Variants in BORCS5 observed in about 807,000 individuals in gnomAD.
The protein encoded by BORCS5 is BLOC-1 related complex subunit 5.
A neutral mutation model predicts 22.1 loss-of-function variants in BORCS5; 17 were observed. That is an observed-to-expected ratio of 0.77 (90% CI 0.53 to 1.15). BORCS5 has a LOEUF of 1.15. BORCS5 is among the 50% of genes most tolerant of loss of function. The probability of loss-of-function intolerance (pLI) is 0.00; values close to 1 mark genes in which losing one functional copy is unlikely to be tolerated. For synonymous variants in BORCS5, 117 were observed against 99.8 expected (o/e 1.17, Z -1.03); for missense variants, 247 against 253.2 (o/e 0.98, Z 0.17).
chr12:12,424,675 C>G (rs190051063), intron 2 of BORCS5, among the ~76,000 whole-genome samples: 8 of 152,088 alleles, frequency 5.3e-5, no homozygotes, highest in African/African-American at 1.9e-4. Flanking sequence ...GATTCTCCCC[C>G]TTCTCTGGGT....
chr12:12,423,760 C>T (rs1437814081), intron 2 of BORCS5, among the ~76,000 whole-genome samples: 3 of 152,150 alleles, frequency 2.0e-5, no homozygotes, highest in Admixed American at 2.0e-4. Flanking sequence ...GCAATCTCAG[C>T]TCACTGCAAC....
chr12:12,444,714 T>G (rs1327715898), intron 3 of BORCS5, among the ~76,000 whole-genome samples: 1 of 152,122 alleles, frequency 6.6e-6, no homozygotes, highest in African/African-American at 2.4e-5. Context: ...TAAGTCCTCC[T>G]GCCAATGAAA....
intron 3 of BORCS5, among the ~76,000 whole-genome samples, chr12:12,456,188 C>T (rs1412355677): frequency 2.0e-5 from 3 of 152,190 alleles, no homozygotes; most frequent in Non-Finnish European, 4.4e-5. Context: ...AATCCCAACA[C>T]TTTGGGAGGC....
chr12:12,400,107 G>T (rs1249527308), intron 2 of BORCS5, among the ~76,000 whole-genome samples: 2 of 152,228 alleles, frequency 1.3e-5, no homozygotes, highest in African/African-American at 2.4e-5. Context: ...GCTGAATTAA[G>T]TTGAAGAATG....
intron 2 of BORCS5, among the ~76,000 whole-genome samples, chr12:12,408,631 C>G (rs769791559): frequency 3.0e-4 from 45 of 152,182 alleles, no homozygotes; most frequent in Non-Finnish European, 6.0e-4. Context: ...CTGTGTACTT[C>G]ATATAAATGG....
At chr12:12,389,296 C>T (rs1863950721) in intron 2 of BORCS5, among the ~76,000 whole-genome samples, 1 of 150,430 alleles carries the variant, frequency 6.6e-6, no homozygotes, top group South Asian at 2.1e-4. Context: ...CACCACCACG[C>T]CTGGCTAATT....
rs149219717 is a variant in BORCS5 at position 12,469,456 on chromosome 12, T to C, written c.*3680T>C. On this transcript the variant is annotated 3_prime_UTR_variant, in exon 4 of 4. Transcript: ENST00000314565. ...TATGTTTCTGTATCCTGAGTATTTCTTTGCGGCTTCTTCAGTTATGAAAGA... is the reference window on the plus strand; with the variant it reads ...TATGTTTCTGTATCCTGAGTATTTCCTTGCGGCTTCTTCAGTTATGAAAGA... 11 of 152,392 alleles carry C rather than the reference T, an allele frequency of 7.2e-5. No individual in the cohort carries two copies. In the East Asian group the frequency reaches 2.1e-3, roughly 29 times the overall value. The allele number at this position is 152,392 out of a possible 1,614,324, so 9.4% of individuals were successfully genotyped here.
chr12:12,448,519 C>T (rs1942835025), intron 3 of BORCS5, among the ~76,000 whole-genome samples: 1 of 147,902 alleles, frequency 6.8e-6, no homozygotes, highest in Non-Finnish European at 1.5e-5. Context: ...CTGACCTTGT[C>T]TTCAATTCTT....
At chr12:12,409,839 C>T (rs1386149182) in intron 2 of BORCS5, among the ~76,000 whole-genome samples, 7 of 150,454 alleles carry the variant, frequency 4.7e-5, no homozygotes, top group African/African-American at 9.8e-5. Context: ...AGTTTACAGT[C>T]CCACCAACAG....
chr12:12,470,416 G>A lies in BORCS5; in HGVS notation c.*4640G>A, dbSNP rs1369036823. On this transcript the variant is annotated 3_prime_UTR_variant, in exon 4 of 4. Transcript: ENST00000314565. ...CTCCCCATCACTCACATCACTGCCT[G>A]AGCTCCACCTCCTGTCAGAACAGAC... Among the ~76,000 whole-genome samples the A allele has an allele frequency of 1.3e-5, 2 of 152,084 alleles. No individual in the cohort carries two copies. Among genetic ancestry groups the A allele is most frequent in the African/African-American group, 4.8e-5 (2 of 41,404 alleles).
rs893881340 is a variant in BORCS5 at position 12,469,522 on chromosome 12, C to T, written c.*3746C>T. 1 of 152,208 alleles carries T rather than the reference C, an allele frequency of 6.6e-6. No individual in the cohort carries two copies. Among genetic ancestry groups the T allele is most frequent in the African/African-American group, 2.4e-5 (1 of 41,430 alleles). The allele number at this position is 152,208 out of a possible 1,614,324, so 9.4% of individuals were successfully genotyped here. On this transcript the variant is annotated 3_prime_UTR_variant, in exon 4 of 4. Coordinates refer to ENST00000314565, the MANE Select transcript of BORCS5 (RefSeq NM_058169.6). Reference sequence around the variant, plus strand: ...CCTTACGTTATAGGTATTACAAACTCGGTTTTACAAGGTTACATAAACTAA... The same window carrying T: ...CCTTACGTTATAGGTATTACAAACTTGGTTTTACAAGGTTACATAAACTAA...
rs189204226 is a variant in BORCS5 at position 12,415,550 on chromosome 12, G to A, written c.203-20078G>A. On this transcript the variant is annotated intron_variant, in intron 2 of 3. Coordinates refer to ENST00000314565, the MANE Select transcript of BORCS5 (RefSeq NM_058169.6). The stretch of plus-strand genomic sequence containing the variant: ...CAGAGGGAGACCGTGGAAGGAGACC[G>A]TGGAGAGAGGGGGAGGGGGAGGGGG... Among the ~76,000 whole-genome samples, 3 of 107,500 alleles carry A rather than the reference G, an allele frequency of 2.8e-5. No individual in the cohort carries two copies. In the East Asian group the frequency reaches 9.7e-4, roughly 35 times the overall value. 70.5% of individuals were successfully genotyped at this position (107,500 alleles called of 152,430 possible).
At chr12:12,464,776 G>T (rs1448261049) in intron 3 of BORCS5, among the ~76,000 whole-genome samples, 2 of 152,112 alleles carry the variant, frequency 1.3e-5, no homozygotes, top group Non-Finnish European at 2.9e-5. Flanking sequence ...TTCTTTAATG[G>T]GGGAGAAGGG....
intron 2 of BORCS5, among the ~76,000 whole-genome samples, chr12:12,417,058 T>A (rs1941984564): frequency 1.3e-5 from 2 of 152,154 alleles, no homozygotes; most frequent in Non-Finnish European, 2.9e-5. Context: ...CCCAAAGTGC[T>A]GGGATTACAG....
chr12:12,452,899 T>C (rs1942937710), intron 3 of BORCS5, among the ~76,000 whole-genome samples: 1 of 152,180 alleles, frequency 6.6e-6, no homozygotes. Flanking sequence ...GAATCTCTAC[T>C]GCAGGTCAAG....
At chr12:12,387,686 A>G (rs74463206) in intron 2 of BORCS5, among the ~76,000 whole-genome samples, 10,599 of 151,398 alleles carry the variant, frequency 0.07, 837 homozygotes, top group East Asian at 0.25. Flanking sequence ...TGGCAGCCAC[A>G]TGCACTTGAG....
At chr12:12,400,319 C>T (rs946017329) in intron 2 of BORCS5, among the ~76,000 whole-genome samples, 4 of 152,100 alleles carry the variant, frequency 2.6e-5, no homozygotes, top group Admixed American at 1.3e-4. Context: ...CTTGGTAACT[C>T]TTAGCAAGAG....
Position 12,393,043 on chromosome 12 carries a change from G to A in BORCS5, c.202+31694G>A, listed in dbSNP as rs899705976. Among the ~76,000 whole-genome samples, 15 of 152,100 alleles carry A rather than the reference G, an allele frequency of 9.9e-5. No individual in the cohort carries two copies. In the East Asian group the frequency reaches 2.3e-3, roughly 23 times the overall value. Reference sequence around the variant, plus strand: ...GAGCCCAAGAGTTCAAGACCAGCCTGGACAATATGGCAAAACTCCGTCTCT... The same window carrying A: ...GAGCCCAAGAGTTCAAGACCAGCCTAGACAATATGGCAAAACTCCGTCTCT... On this transcript the variant is annotated intron_variant, in intron 2 of 3. Coordinates refer to ENST00000314565, the MANE Select transcript of BORCS5 (RefSeq NM_058169.6).
intron 2 of BORCS5, among the ~76,000 whole-genome samples, chr12:12,391,374 G>A (rs1565859604): frequency 7.2e-6 from 1 of 139,218 alleles, no homozygotes; most frequent in Non-Finnish European, 1.5e-5. Context: ...ATGGATGACA[G>A]AATCAAGGGT....
Sources: allele counts gnomAD v4.1 joint callset (sites outside exome capture counted in the v4.1 genomes callset), GRCh38; gene constraint gnomAD v4.1.1; transcripts MANE v1.5; gene names NCBI Gene and HGNC (gene_info 2026-07-23, HGNC 2026-07-21).